Variants in DNAI4 observed in about 807,000 individuals in gnomAD.
The protein encoded by DNAI4 is dynein axonemal intermediate chain 4, also known as WD repeat domain 78.
A neutral mutation model predicts 105.8 loss-of-function variants in DNAI4; 85 were observed. The observed-to-expected ratio is 0.80, with a 90% CI of 0.67 to 0.96. The LOEUF (loss-of-function observed/expected upper bound fraction) is 0.96. DNAI4 is among the 40% of genes least tolerant of loss of function. The pLI, the probability that DNAI4 is intolerant of heterozygous loss-of-function variation, is 0.00. For synonymous variants in DNAI4, 352 were observed against 331.5 expected, an observed-to-expected ratio of 1.06 and a Z score of -0.67; for missense variants, 1,014 against 1,005.6, an observed-to-expected ratio of 1.01 and a Z score of -0.11.
At chr1:66,818,736 C>T (rs1235774614) in intron 16 of DNAI4, among the ~76,000 whole-genome samples, 1 of 152,020 alleles carries the variant, frequency 6.6e-6, no homozygotes. Context: ...CATGGCGAAA[C>T]CCTGTCTCTA....
At chr1:66,861,204 A>G (rs142140585) in intron 7 of DNAI4, among the ~76,000 whole-genome samples, 1,787 of 152,262 alleles carry the variant, frequency 0.012, 18 homozygotes, top group Non-Finnish European at 0.019. Context: ...ACTTATACTT[A>G]CTGATTTACT....
intron 1 of DNAI4, among the ~76,000 whole-genome samples, chr1:66,923,644 T>C (rs1198953371): frequency 6.6e-6 from 1 of 152,228 alleles, no homozygotes; most frequent in Non-Finnish European, 1.5e-5. Flanking sequence ...CTGGCTTTCA[T>C]AGAAGCTGTT....
intron 16 of DNAI4, among the ~76,000 whole-genome samples, chr1:66,818,639 C>T (rs2100302963): frequency 6.6e-6 from 1 of 152,194 alleles, no homozygotes; most frequent in South Asian, 2.1e-4. Flanking sequence ...AATAAATTGG[C>T]CAGGTGCGGT....
Position 66,852,456 on chromosome 1 carries a change from TA to T in DNAI4, c.1097-4779del, listed in dbSNP as rs566207906. ...TCAATATCTCTCATCAACATCAACA[TA>T]AAAATCCTTAGCAAAATATTACAAC... On this transcript the variant is annotated intron_variant, in intron 7 of 16. Transcript: ENST00000371026. 3.9e-5 allele frequency among the ~76,000 whole-genome samples: 6 copies of T among 152,056 alleles called. No individual in the cohort carries two copies. The East Asian group carries it at 1.2e-3, about 29-fold the overall frequency.
chr1:66,897,000 T>A (rs2100796952), intron 2 of DNAI4, among the ~76,000 whole-genome samples: 1 of 152,234 alleles, frequency 6.6e-6, no homozygotes, highest in South Asian at 2.1e-4. Context: ...TGCATTGCCA[T>A]AAACAGCACT....
intron 11 of DNAI4, among the ~76,000 whole-genome samples, chr1:66,835,076 T>A (rs562359068): frequency 6.6e-6 from 1 of 152,276 alleles, no homozygotes; most frequent in African/African-American, 2.4e-5. Context: ...ATTCATCAAT[T>A]ACTCATCAAA....
At chr1:66,901,775 C>T (rs1472229550) in intron 2 of DNAI4, among the ~76,000 whole-genome samples, 2 of 152,124 alleles carry the variant, frequency 1.3e-5, no homozygotes, top group African/African-American at 4.8e-5. Context: ...GGAGGAATCA[C>T]GATACTGTTT....
In DNAI4 at chr1:66,886,295, C is replaced by T. The variant is rs544523644; in HGVS notation, c.643+4859G>A. Among the ~76,000 whole-genome samples, 6 of 152,242 alleles carry T rather than the reference C, an allele frequency of 3.9e-5. No individual in the cohort carries two copies. In the East Asian group the frequency reaches 1.2e-3, roughly 29 times the overall value. On this transcript the variant is annotated intron_variant, in intron 4 of 16. Coordinates refer to ENST00000371026, the MANE Select transcript of DNAI4 (RefSeq NM_024763.5). ...ATTAATCATAATTATTTAAAATGCC[C>T]TGTGCCATAGTTTTTAAATTTGTAT... is the stretch of plus-strand genomic sequence containing the variant.
intron 7 of DNAI4, among the ~76,000 whole-genome samples, chr1:66,851,394 A>G (rs373644697): frequency 6.6e-6 from 1 of 151,890 alleles, no homozygotes; most frequent in East Asian, 1.9e-4. Context: ...TTGATGGAAT[A>G]AAGAGACAGA....
At chr1:66,878,201 T>C (rs1646997982) in intron 4 of DNAI4, among the ~76,000 whole-genome samples, 1 of 152,192 alleles carries the variant, frequency 6.6e-6, no homozygotes, top group Non-Finnish European at 1.5e-5. Context: ...TATGAACTCA[T>C]GCGTATTTAT....
At chr1:66,821,091 C>CTT (rs55811909) in intron 16 of DNAI4, among the ~76,000 whole-genome samples, 5,642 of 80,198 alleles carry the variant, frequency 0.07, 213 homozygotes, top group African/African-American at 0.082. Flanking sequence ...AAACATTTCT[C>CTT]TTTTTTTTTT....
intron 7 of DNAI4, chr1:66,848,207 G>T (rs1457042187): frequency 2.2e-6 from 1 of 455,976 alleles, no homozygotes; most frequent in Non-Finnish European, 4.4e-6. Flanking sequence ...GATTTTTTCA[G>T]TTTCTGGGGG....
intron 10 of DNAI4, among the ~76,000 whole-genome samples, chr1:66,837,270 A>G (rs1159395016): frequency 6.6e-6 from 1 of 150,602 alleles, no homozygotes; most frequent in Non-Finnish European, 1.5e-5. Flanking sequence ...AGGCTGAGGC[A>G]GGAGAATCAC....
intron 16 of DNAI4, among the ~76,000 whole-genome samples, chr1:66,817,341 G>A (rs969263282): frequency 3.3e-5 from 5 of 152,190 alleles, no homozygotes; most frequent in Non-Finnish European, 4.4e-5. Context: ...AGGACGCTTA[G>A]GTGGGCAAAT....
At chr1:66,869,666 G>T (rs1038667072) in intron 6 of DNAI4, among the ~76,000 whole-genome samples, 2 of 152,130 alleles carry the variant, frequency 1.3e-5, no homozygotes, top group African/African-American at 4.8e-5. Flanking sequence ...GAATAAAACA[G>T]AGATCAAAAT....
At position 66,874,388 on chromosome 1, in the gene DNAI4, C is replaced by T. The variant is rs193044214; in HGVS notation, c.800+393G>A. 2.1e-3 allele frequency among the ~76,000 whole-genome samples: 315 copies of T among 152,014 alleles called. 1 individual carries two copies. The highest frequency in any genetic ancestry group is 6.7e-3 in the African/African-American group (276 of 41,478). Reference sequence around the variant, plus strand: ...TATTAGGTTGGTGCAAAAGTAATTGCGGTTTGGCTATTACTATAAAAATGT... The same window carrying T: ...TATTAGGTTGGTGCAAAAGTAATTGTGGTTTGGCTATTACTATAAAAATGT... On this transcript the variant is annotated intron_variant, in intron 5 of 16. Transcript: ENST00000371026.
chr1:66,916,198 G>A (rs1342024298), intron 1 of DNAI4, among the ~76,000 whole-genome samples: 1 of 151,668 alleles, frequency 6.6e-6, no homozygotes. Flanking sequence ...AGCATATCAT[G>A]AATAATCAGT....
intron 2 of DNAI4, among the ~76,000 whole-genome samples, chr1:66,903,972 A>G (rs1177977111): frequency 1.3e-5 from 2 of 151,448 alleles, no homozygotes; most frequent in African/African-American, 4.8e-5. Context: ...TCACCATTGG[A>G]GAAAATAATT....
chr1:66,854,630 C>T (rs935356995), intron 7 of DNAI4, among the ~76,000 whole-genome samples: 13 of 151,834 alleles, frequency 8.6e-5, no homozygotes, highest in Non-Finnish European at 1.3e-4. Context: ...GGTGAAACCC[C>T]GTCACTATTA....
Sources: gnomAD v4.1 joint callset for allele counts (sites outside exome capture counted in the v4.1 genomes callset) on GRCh38, gnomAD v4.1.1 for gene constraint, MANE v1.5 for transcripts, NCBI Gene and HGNC (gene_info 2026-07-23, HGNC 2026-07-21) for gene names.